Variants in SRGAP1 observed in about 807,000 individuals in gnomAD.
The protein encoded by SRGAP1 is SLIT-ROBO Rho GTPase-activating protein 1.
Under a neutral mutation model 121.9 loss-of-function variants are expected in SRGAP1, and 43 were observed. The ratio of observed to expected loss-of-function variants is 0.35; its 90% CI spans 0.28 to 0.46. The LOEUF is 0.46. Ranked by LOEUF, SRGAP1 falls within the 20% of genes least tolerant of loss-of-function variation. The pLI is 1.00. For missense variants in SRGAP1, 1,102 were observed against 1,350.9 expected (o/e 0.82, Z 2.89); for synonymous variants, 447 against 485.4 (o/e 0.92, Z 1.04).
At chr12:63,937,374 A>G (rs1409297650) in intron 1 of SRGAP1, among the ~76,000 whole-genome samples, 2 of 152,202 alleles carry the variant, frequency 1.3e-5, no homozygotes, top group African/African-American at 2.4e-5. Context: ...GTACCATTTT[A>G]TATATAATCT....
At chr12:63,873,849 G>A (rs189903984) in intron 1 of SRGAP1, among the ~76,000 whole-genome samples, 2 of 151,530 alleles carry the variant, frequency 1.3e-5, no homozygotes, top group East Asian at 2.0e-4. Flanking sequence ...GTAACGTGAC[G>A]AAACTCTGTC....
chr12:63,852,149 C>T (rs577159837), intron 1 of SRGAP1, among the ~76,000 whole-genome samples: 34 of 152,084 alleles, frequency 2.2e-4, no homozygotes, highest in African/African-American at 7.7e-4. Context: ...CCTGCCATCA[C>T]GCCTGATTTT....
At chr12:64,079,201 C>G in intron 9 of SRGAP1, 85 bp downstream of exon 9, 1 of 1,447,110 alleles carries the variant, frequency 6.9e-7, no homozygotes, top group Non-Finnish European at 9.5e-7. Flanking sequence ...TCAGAACCAT[C>G]TGGGGTTCCT....
intron 4 of SRGAP1, among the ~76,000 whole-genome samples, chr12:64,036,796 A>T (rs2136496161): frequency 6.6e-6 from 1 of 152,344 alleles, no homozygotes; most frequent in African/African-American, 2.4e-5. Flanking sequence ...GAATAAATGG[A>T]TGGACAAGCT....
chr12:64,013,957 G>T (rs1450560939), intron 3 of SRGAP1, among the ~76,000 whole-genome samples: 1 of 152,204 alleles, frequency 6.6e-6, no homozygotes, highest in Non-Finnish European at 1.5e-5. Flanking sequence ...TGTCAAAAGA[G>T]ACCACAAGAA....
chr12:63,941,959 G>T (rs769581191), intron 1 of SRGAP1, among the ~76,000 whole-genome samples: 24 of 152,114 alleles, frequency 1.6e-4, no homozygotes, highest in Non-Finnish European at 3.2e-4. Context: ...GAAATCACAG[G>T]TTTGGAAATC....
chr12:63,929,838 A>G (rs914347558), intron 1 of SRGAP1, among the ~76,000 whole-genome samples: 4 of 152,056 alleles, frequency 2.6e-5, no homozygotes, highest in Non-Finnish European at 2.9e-5. Flanking sequence ...TTCTTTTTCT[A>G]TAAAAATGGG....
Position 64,148,306 on chromosome 12 carries a change from G to T in SRGAP1, c.*5634G>T, listed in dbSNP as rs2037083267. The T allele has an allele frequency of 1.5e-5, 2 of 131,956 alleles. No individual in the cohort carries two copies. The allele number at this position is 131,956 out of a possible 1,614,324, so 8.2% of individuals were successfully genotyped here. A position where few individuals can be genotyped will look rare whatever the true frequency, so the allele number is the denominator to read the frequency against. ...ACTTTTTTTTTTTTTTTTTTGAGAC[G>T]AATCTCTCTGTGTCACCCAGGCTGT... On this transcript the variant is annotated 3_prime_UTR_variant, in exon 22 of 22. Transcript: ENST00000355086.
At chr12:63,995,501 G>A (rs563475321) in intron 3 of SRGAP1, among the ~76,000 whole-genome samples, 149 of 152,232 alleles carry the variant, frequency 9.8e-4, no homozygotes, top group African/African-American at 3.4e-3. Context: ...GTATTTTTTG[G>A]TGGTAGAGAT....
chr12:63,911,450 C>T (rs112673569), intron 1 of SRGAP1, among the ~76,000 whole-genome samples: 1 of 152,172 alleles, frequency 6.6e-6, no homozygotes. Context: ...TCTCTGCACC[C>T]ATCCATGTAG....
chr12:63,977,454 C>T (rs1260651571), intron 1 of SRGAP1, among the ~76,000 whole-genome samples: 1 of 152,102 alleles, frequency 6.6e-6, no homozygotes, highest in African/African-American at 2.4e-5. Flanking sequence ...ATGTCCTGGT[C>T]GTAGTCATTC....
Position 64,043,455 on chromosome 12 carries a change from A to G in SRGAP1, c.681A>G (p.Ala227=), listed in dbSNP as rs759998489. Residue 227 remains alanine (A), a synonymous_variant, in exon 6 of 22, where the codon GCA becomes GCG. Transcript: ENST00000355086. ...GATCTTCTTCATTCCAGAGACAAGC[A>G]AAATATTCAGAAAATAAGCTAAAAT... The part of the protein sequence containing the change: ...KIEKMKEKRQ[A]KYSENKLKSI... 3.4e-5 allele frequency: 54 copies of G among 1,610,148 alleles called. No individual in the cohort carries two copies. In the East Asian group the frequency reaches 1.2e-3, roughly 35 times the overall value.
chr12:64,080,148 C>A, intron 9 of SRGAP1, 138 bp from the exon 10 acceptor site: 1 of 612,922 alleles, frequency 1.6e-6, no homozygotes, highest in South Asian at 2.0e-5. Flanking sequence ...GAGGCTGAGG[C>A]AGGAGAATCG....
chr12:64,129,098 TAA>T lies in SRGAP1; in HGVS notation c.2880+908_2880+909del, dbSNP rs57166195. 3.6e-3 allele frequency among the ~76,000 whole-genome samples: 535 copies of T among 149,176 alleles called. 1 individual carries two copies. The highest frequency in any genetic ancestry group is 0.012 in the African/African-American group (505 of 40,884). ...GGTCAATATAGCAAAATCCCGTGTC[TAA>T]AAAAAAAAATTTTTTTTTAATTACC... On this transcript the variant is annotated intron_variant, in intron 21 of 21. Transcript: ENST00000355086.
chr12:64,054,485 C>A (rs2035300624), intron 6 of SRGAP1, among the ~76,000 whole-genome samples: 1 of 152,088 alleles, frequency 6.6e-6, no homozygotes, highest in African/African-American at 2.4e-5. Flanking sequence ...TTGACTTTTC[C>A]CCCATATAAC....
chr12:64,032,581 A>G (rs1027275236), intron 4 of SRGAP1: 47 of 765,974 alleles, frequency 6.1e-5, no homozygotes, highest in African/African-American at 3.0e-4. Flanking sequence ...AGCTCTGCAC[A>G]TAAGTCCTGC....
chr12:64,000,239 G>GGTGT (rs58289093), intron 3 of SRGAP1, among the ~76,000 whole-genome samples: 22,611 of 131,338 alleles, frequency 0.17, 2,126 homozygotes, highest in Middle Eastern at 0.26. Flanking sequence ...GAAAGGTAGG[G>GGTGT]GTGTGTGTGT....
chr12:64,110,245 A>G (rs940894893), intron 16 of SRGAP1, among the ~76,000 whole-genome samples: 2 of 152,266 alleles, frequency 1.3e-5, no homozygotes, highest in South Asian at 4.1e-4. Context: ...TACCATTCCT[A>G]CCAAATCTTC....
intron 4 of SRGAP1, among the ~76,000 whole-genome samples, chr12:64,038,184 A>G (rs993795991): frequency 6.6e-6 from 1 of 152,210 alleles, no homozygotes; most frequent in Non-Finnish European, 1.5e-5. Flanking sequence ...AGGATTAAAT[A>G]TGTTATTCGT....
Sources: allele counts gnomAD v4.1 joint callset (sites outside exome capture counted in the v4.1 genomes callset), GRCh38; gene constraint gnomAD v4.1.1; transcripts MANE v1.5; gene names NCBI Gene and HGNC (gene_info 2026-07-23, HGNC 2026-07-21).